The following CENPP variants were observed in gnomAD, a reference collection of about 807,000 sequenced individuals.
CENPP encodes centromere protein P.
A neutral mutation model predicts 35.6 loss-of-function variants in CENPP; 24 were observed. The ratio of observed to expected loss-of-function variants is 0.67; its 90% CI spans 0.49 to 0.95. The LOEUF (loss-of-function observed/expected upper bound fraction) is 0.95. CENPP is among the 40% of genes least tolerant of loss of function. The pLI is 0.00. For missense variants in CENPP, 332 were observed against 345.3 expected, an observed-to-expected ratio of 0.96 and a Z score of 0.31; for synonymous variants, 120 against 125.5, an observed-to-expected ratio of 0.96 and a Z score of 0.29.
chr9:92,432,904 T>C (rs1200909381), intron 5 of CENPP, among the ~76,000 whole-genome samples: 1 of 152,088 alleles, frequency 6.6e-6, no homozygotes, highest in Non-Finnish European at 1.5e-5. Context: ...GAATACATAA[T>C]CCATTGTATT....
At chr9:92,352,444 C>T (rs1474917000) in intron 4 of CENPP, among the ~76,000 whole-genome samples, 5 of 138,876 alleles carry the variant, frequency 3.6e-5, no homozygotes, top group South Asian at 2.3e-4. Flanking sequence ...AGGGCCTTTT[C>T]TCTCAAGCCT....
At chr9:92,603,623 T>G (rs189332088) in intron 5 of CENPP, among the ~76,000 whole-genome samples, 56 of 152,228 alleles carry the variant, frequency 3.7e-4, no homozygotes, top group Non-Finnish European at 6.6e-4. Context: ...CACTCAGCTC[T>G]GATCACCCCC....
At chr9:92,390,277 G>T (rs887529810) in intron 5 of CENPP, among the ~76,000 whole-genome samples, 2 of 152,072 alleles carry the variant, frequency 1.3e-5, no homozygotes, top group Non-Finnish European at 2.9e-5. Context: ...TAGAATCTCA[G>T]GTTTGAAAGT....
At chr9:92,505,163 A>C (rs1190559144) in intron 5 of CENPP, among the ~76,000 whole-genome samples, 1 of 152,212 alleles carries the variant, frequency 6.6e-6, no homozygotes, top group African/African-American at 2.4e-5. Context: ...TGTTACGGTT[A>C]ATACCTGTTT....
chr9:92,586,826 A>G (rs936778231), intron 5 of CENPP, among the ~76,000 whole-genome samples: 1 of 152,196 alleles, frequency 6.6e-6, no homozygotes, highest in Non-Finnish European at 1.5e-5. Flanking sequence ...ATGGTTTGGA[A>G]AAGTTGTTAA....
chr9:92,446,589 T>C (rs1423960474), intron 5 of CENPP, among the ~76,000 whole-genome samples: 1 of 152,156 alleles, frequency 6.6e-6, no homozygotes, highest in Non-Finnish European at 1.5e-5. Context: ...ATTGTGTTCC[T>C]AAGGTGTGAA....
At chr9:92,342,037 A>G (rs747087886) in intron 3 of CENPP, among the ~76,000 whole-genome samples, 2 of 152,222 alleles carry the variant, frequency 1.3e-5, no homozygotes, top group African/African-American at 2.4e-5. Flanking sequence ...AAGGGCTAAT[A>G]TGGTGGTTTT....
intron 5 of CENPP, among the ~76,000 whole-genome samples, chr9:92,452,298 T>C: frequency 6.6e-6 from 1 of 152,116 alleles, no homozygotes; most frequent in Non-Finnish European, 1.5e-5. Context: ...ATTGAGAGTT[T>C]TTAGCATGAA....
chr9:92,447,063 C>T (rs1021893109), intron 5 of CENPP, among the ~76,000 whole-genome samples: 11 of 151,996 alleles, frequency 7.2e-5, no homozygotes, highest in South Asian at 2.1e-4. Flanking sequence ...GATTCAGCTT[C>T]GAGCTTAACT....
At chr9:92,487,029 G>A (rs148597264) in intron 5 of CENPP, among the ~76,000 whole-genome samples, 1,584 of 152,216 alleles carry the variant, frequency 0.01, 32 homozygotes, top group African/African-American at 0.036. Flanking sequence ...TGATCTGCTC[G>A]CCTCGGCCTC....
chr9:92,551,751 A>G (rs1231982819), intron 5 of CENPP, among the ~76,000 whole-genome samples: 5 of 151,592 alleles, frequency 3.3e-5, no homozygotes, highest in Non-Finnish European at 7.4e-5. Flanking sequence ...TAGCTCCCAC[A>G]TATCAGTGAG....
intron 5 of CENPP, among the ~76,000 whole-genome samples, chr9:92,595,117 T>TG (rs1850748443): frequency 6.6e-6 from 1 of 152,038 alleles, no homozygotes; most frequent in Non-Finnish European, 1.5e-5. Context: ...AGGCTGGTCT[T>TG]GAACTCCTGA....
intron 5 of CENPP, among the ~76,000 whole-genome samples, chr9:92,479,553 C>T (rs372651365): frequency 1.2e-3 from 181 of 152,260 alleles, no homozygotes; most frequent in Non-Finnish European, 1.8e-3. Flanking sequence ...AGCATATCCA[C>T]CCTGCTTGAA....
intron 3 of CENPP, among the ~76,000 whole-genome samples, chr9:92,341,942 A>C (rs1275418161): frequency 6.6e-6 from 1 of 152,278 alleles, no homozygotes; most frequent in African/African-American, 2.4e-5. Context: ...AATTAGAGTC[A>C]GTTGAGCTGT....
chr9:92,443,163 A>G (rs1844464487), intron 5 of CENPP, among the ~76,000 whole-genome samples: 1 of 152,228 alleles, frequency 6.6e-6, no homozygotes, highest in Non-Finnish European at 1.5e-5. Flanking sequence ...TTGAAATCCC[A>G]AAAGAATATA....
intron 5 of CENPP, among the ~76,000 whole-genome samples, chr9:92,559,095 A>G (rs1239701122): frequency 1.3e-5 from 2 of 152,148 alleles, no homozygotes; most frequent in Non-Finnish European, 2.9e-5. Flanking sequence ...CCGCCTCTGA[A>G]GTCTGCACAC....
At chr9:92,553,471 C>T (rs956801838) in intron 5 of CENPP, among the ~76,000 whole-genome samples, 2 of 151,982 alleles carry the variant, frequency 1.3e-5, no homozygotes, top group African/African-American at 4.8e-5. Context: ...GTGGGGATTG[C>T]GTTGAATTTG....
chr9:92,574,770 C>T (rs1005007328), intron 5 of CENPP, among the ~76,000 whole-genome samples: 1 of 152,130 alleles, frequency 6.6e-6, no homozygotes, highest in Non-Finnish European at 1.5e-5. Flanking sequence ...CCAAAACAAT[C>T]TTCAAAAAGA....
At chr9:92,598,684 T>C (rs544070345) in intron 5 of CENPP, among the ~76,000 whole-genome samples, 1 of 151,530 alleles carries the variant, frequency 6.6e-6, no homozygotes, top group East Asian at 1.9e-4. Flanking sequence ...GAAGCAAAGA[T>C]TACAAAGATT....
Sources: gnomAD v4.1 joint callset for allele counts (sites outside exome capture counted in the v4.1 genomes callset) on GRCh38, gnomAD v4.1.1 for gene constraint, MANE v1.5 for transcripts, NCBI Gene and HGNC (gene_info 2026-07-23, HGNC 2026-07-21) for gene names.